Variants in ZFHX3 observed in about 807,000 individuals in gnomAD.
The protein encoded by ZFHX3 is zinc finger homeobox protein 3.
In ZFHX3, 42 loss-of-function variants were observed where a neutral mutation model predicts 279.1. The observed-to-expected ratio is 0.15, with a 90% confidence interval of 0.12 to 0.19. The LOEUF (loss-of-function observed/expected upper bound fraction) is 0.19, where lower values mean the gene tolerates loss of function less well. Ranked by LOEUF, ZFHX3 falls within the 10% of genes least tolerant of loss-of-function variation. ZFHX3 has a pLI of 1.00. For synonymous variants in ZFHX3, 2,293 were observed against 1,957.8 expected, an observed-to-expected ratio of 1.17 and a Z score of -4.52; for missense variants, 4,981 against 4,754.0, an observed-to-expected ratio of 1.05 and a Z score of -1.40.
intron 9 of ZFHX3, chr16:72,791,705 G>A (rs2035709441): frequency 6.6e-6 from 1 of 152,164 alleles, no homozygotes; most frequent in African/African-American, 2.4e-5. Flanking sequence ...GTAATTAAAT[G>A]CTTCTCTATT....
intron 7 of ZFHX3, among the ~76,000 whole-genome samples, chr16:72,804,574 T>G (rs2036206478): frequency 6.6e-6 from 1 of 152,118 alleles, no homozygotes; most frequent in South Asian, 2.1e-4. Context: ...CTCTTCCTAG[T>G]TTGGTTCATT....
chr16:73,375,353 T>C (rs1032250270), intron 3 of ZFHX3, among the ~76,000 whole-genome samples: 1 of 152,214 alleles, frequency 6.6e-6, no homozygotes, highest in Non-Finnish European at 1.5e-5. Flanking sequence ...CCTCATCTTG[T>C]ATGTTTCCTT....
chr16:73,130,489 A>G (rs1007489863), intron 7 of ZFHX3, among the ~76,000 whole-genome samples: 9 of 152,248 alleles, frequency 5.9e-5, no homozygotes, highest in African/African-American at 2.2e-4. Flanking sequence ...CAACTTGAGG[A>G]CAAGGAGAGT....
At chr16:73,429,691 C>T (rs879389464) in intron 3 of ZFHX3, among the ~76,000 whole-genome samples, 29 of 152,150 alleles carry the variant, frequency 1.9e-4, no homozygotes, top group Middle Eastern at 3.4e-3. Flanking sequence ...AGATTTTAAA[C>T]GTTGAGAACT....
intron 3 of ZFHX3, among the ~76,000 whole-genome samples, chr16:73,373,776 A>T (rs1210390363): frequency 6.6e-6 from 1 of 152,060 alleles, no homozygotes; most frequent in Non-Finnish European, 1.5e-5. Flanking sequence ...CATCTCTGAC[A>T]TTACTATGAT....
chr16:73,513,079 GTT>G (rs2019460706), intron 2 of ZFHX3, among the ~76,000 whole-genome samples: 1 of 152,198 alleles, frequency 6.6e-6, no homozygotes, highest in African/African-American at 2.4e-5. Context: ...AGGCAGAGTG[GTT>G]ATCATTACTG....
intron 5 of ZFHX3, among the ~76,000 whole-genome samples, chr16:73,152,543 T>C (rs1966967544): frequency 6.6e-6 from 1 of 151,832 alleles, no homozygotes; most frequent in African/African-American, 2.4e-5. Context: ...AAAGAAAATA[T>C]GTTTCTTAGG....
At chr16:73,850,436 C>T (rs1299498510) in intron 1 of ZFHX3, among the ~76,000 whole-genome samples, 1 of 152,132 alleles carries the variant, frequency 6.6e-6, no homozygotes, top group African/African-American at 2.4e-5. Context: ...AAAACTGAGT[C>T]TGTCTCATGT....
At chr16:72,888,435 T>C (rs1434946900) in intron 4 of ZFHX3, among the ~76,000 whole-genome samples, 1 of 152,242 alleles carries the variant, frequency 6.6e-6, no homozygotes, top group East Asian at 1.9e-4. Flanking sequence ...AAGCTCAGCA[T>C]CTGGGAGGTG....
At position 72,793,261 on chromosome 16, in the gene ZFHX3, T is replaced by A. The variant is rs756311070; in HGVS notation, c.9421A>T (p.Asn3141Tyr). 6.2e-7 allele frequency: 1 copy of A among 1,612,126 alleles called. No homozygotes were observed. Among genetic ancestry groups the A allele is most frequent in the Non-Finnish European group, 8.5e-7 (1 of 1,178,844 alleles). ...SPSLPGFTPS[N>Y]TALTSPKPNL... ...CGCCTAGAGCAGAACCCACCTGTGT[T>A]GGATGGAGTAAAGCCTGGCAAGGAG... is the stretch of plus-strand genomic sequence containing the variant. Residue 3141 changes from asparagine (N) to tyrosine (Y), a missense_variant, in exon 9 of 10, where the codon AAC becomes TAC. By Grantham distance (143) the Asn-to-Tyr change is moderately radical (BLOSUM62 -2). Transcript: ENST00000268489. This position sits in a 1 kb window ranked among gnomAD's most constrained non-coding sequence, Gnocchi z 4.3.
chr16:73,384,643 A>G (rs2143377845), intron 3 of ZFHX3, among the ~76,000 whole-genome samples: 1 of 152,324 alleles, frequency 6.6e-6, no homozygotes, highest in East Asian at 1.9e-4. Context: ...TTCTCACCTC[A>G]TAGGCCTCAC....
At chr16:72,801,102 T>C (rs937336288) in intron 7 of ZFHX3, among the ~76,000 whole-genome samples, 2 of 152,218 alleles carry the variant, frequency 1.3e-5, no homozygotes, top group African/African-American at 4.8e-5. Context: ...AATATCCTTT[T>C]GCCTGATATG....
intron 1 of ZFHX3, among the ~76,000 whole-genome samples, chr16:73,718,800 G>A (rs1227007500): frequency 1.3e-5 from 2 of 151,862 alleles, no homozygotes; most frequent in Non-Finnish European, 2.9e-5. Flanking sequence ...ATTTTTAATA[G>A]AGACGGGGTT....
At chr16:73,416,543 A>T (rs1213070834) in intron 3 of ZFHX3, among the ~76,000 whole-genome samples, 1 of 152,150 alleles carries the variant, frequency 6.6e-6, no homozygotes, top group Non-Finnish European at 1.5e-5. Flanking sequence ...CGTAGGCAAG[A>T]CCGGTGCTGC....
intron 3 of ZFHX3, among the ~76,000 whole-genome samples, chr16:73,359,181 G>GTT (rs55639015): frequency 1.7e-4 from 25 of 145,856 alleles, no homozygotes; most frequent in African/African-American, 5.6e-4. Flanking sequence ...TTTAGAAGAG[G>GTT]TTTTTTTTTT....
At chr16:73,393,169 G>T (rs1306269133) in intron 3 of ZFHX3, among the ~76,000 whole-genome samples, 1 of 152,122 alleles carries the variant, frequency 6.6e-6, no homozygotes, top group Admixed American at 6.5e-5. Context: ...AGCTCAGCAT[G>T]GCTGGCTGGG....
intron 1 of ZFHX3, among the ~76,000 whole-genome samples, chr16:73,889,573 T>C (rs1286287042): frequency 1.3e-5 from 2 of 152,212 alleles, no homozygotes; most frequent in Non-Finnish European, 2.9e-5. Context: ...GAAGTACCTA[T>C]GATCAAAGAG....
intron 7 of ZFHX3, chr16:73,099,374 C>T (rs1966203281): frequency 2.6e-5 from 4 of 151,952 alleles, no homozygotes; most frequent in Admixed American, 2.6e-4. Flanking sequence ...TTTGTCACAC[C>T]AGACAGTTAG....
At chr16:73,768,158 G>T (rs188659649) in intron 1 of ZFHX3, among the ~76,000 whole-genome samples, 3 of 152,242 alleles carry the variant, frequency 2.0e-5, no homozygotes, top group African/African-American at 7.2e-5. Flanking sequence ...CTCTAATCCA[G>T]TCTTGATCCA....
Sources: allele counts gnomAD v4.1 joint callset (sites outside exome capture counted in the v4.1 genomes callset), GRCh38; gene constraint gnomAD v4.1.1; non-coding constraint Gnocchi (gnomAD v3.1); transcripts MANE v1.5; gene names NCBI Gene and HGNC (gene_info 2026-07-23, HGNC 2026-07-21).